Variants in PVT1 observed in about 807,000 individuals in gnomAD.
The protein encoded by PVT1 is CXCR4/PVT1 fusion.
chr8:128,035,066 T>A (rs1382997894), intron 4 of PVT1, among the ~76,000 whole-genome samples: 2 of 152,148 alleles, frequency 1.3e-5, no homozygotes, highest in African/African-American at 4.8e-5. Context: ...TAGGGGGCAA[T>A]AAAAGCATTT....
At chr8:127,983,980 G>GA (rs1816913697) in intron 3 of PVT1, 1 of 149,386 alleles carries the variant, frequency 6.7e-6, no homozygotes. Context: ...CCGGGTTCAA[G>GA]TGATCCTCCT....
rs1816217704 is a variant in PVT1 at position 127,932,416 on chromosome 8, A to G, written n.782+41418A>G. 7.5e-6 allele frequency: 3 copies of G among 398,522 alleles called. No homozygotes were observed. In the South Asian group the frequency reaches 3.8e-4, roughly 51 times the overall value. 24.7% of individuals were successfully genotyped at this position (398,522 alleles called of 1,614,324 possible). ...CCCAAGGAGGCTCGAACATGGGAGG[A>G]CATGCGAGAACTATTGTCACATGAG... On this transcript the variant is annotated intron_variant and non_coding_transcript_variant, in intron 3 of 10. Transcript: ENST00000651587.
intron 3 of PVT1, among the ~76,000 whole-genome samples, chr8:127,933,406 T>C (rs1816234801): frequency 6.6e-6 from 1 of 152,228 alleles, no homozygotes; most frequent in African/African-American, 2.4e-5. Flanking sequence ...GTGCTTGTTG[T>C]GTGTTGGGCA....
At chr8:127,882,301 C>T (rs926447688) in intron 2 of PVT1, among the ~76,000 whole-genome samples, 10 of 152,096 alleles carry the variant, frequency 6.6e-5, no homozygotes, top group Middle Eastern at 3.2e-3. Flanking sequence ...AGCCTGTCAG[C>T]GGGGGGACAG....
chr8:127,948,933 GA>G (rs1303764115), intron 3 of PVT1, among the ~76,000 whole-genome samples: 1 of 152,214 alleles, frequency 6.6e-6, no homozygotes, highest in Non-Finnish European at 1.5e-5. Flanking sequence ...GCTCTAAAAA[GA>G]AGCCTGAGAA....
At chr8:127,929,692 C>T (rs531751960) in intron 3 of PVT1, among the ~76,000 whole-genome samples, 10 of 151,854 alleles carry the variant, frequency 6.6e-5, no homozygotes, top group South Asian at 6.3e-4. Flanking sequence ...GGCGTGAACC[C>T]GGGAGGCGGA....
chr8:127,830,284 G>A (rs1814834941), intron 2 of PVT1, among the ~76,000 whole-genome samples: 1 of 152,164 alleles, frequency 6.6e-6, no homozygotes, highest in East Asian at 1.9e-4. Flanking sequence ...GAAGAAGATA[G>A]GAGCAAGCCT....
chr8:128,025,235 C>G (rs1183744581), intron 4 of PVT1, among the ~76,000 whole-genome samples: 2 of 152,160 alleles, frequency 1.3e-5, no homozygotes, highest in African/African-American at 4.8e-5. Flanking sequence ...AAGCAGGATG[C>G]CTTCCGTCAT....
chr8:127,984,841 C>CTTT (rs147685840), intron 3 of PVT1, among the ~76,000 whole-genome samples: 1 of 16,526 alleles, frequency 6.1e-5, no homozygotes, highest in Non-Finnish European at 1.2e-4. Flanking sequence ...CTTTTCTTTT[C>CTTT]TTTCTTTCTT....
intron 2 of PVT1, among the ~76,000 whole-genome samples, chr8:127,799,727 C>T (rs1814440400): frequency 6.6e-6 from 1 of 152,158 alleles, no homozygotes; most frequent in Non-Finnish European, 1.5e-5. Context: ...TGGCAGAGGA[C>T]CTGGGCTCAT....
chr8:127,946,533 T>C (rs1178489152), intron 3 of PVT1: 1 of 152,272 alleles, frequency 6.6e-6, no homozygotes, highest in Non-Finnish European at 1.5e-5. Context: ...CACGGATGAA[T>C]GATAGCAAGA....
intron 3 of PVT1, among the ~76,000 whole-genome samples, chr8:127,904,705 C>G (rs895900887): frequency 2.0e-5 from 3 of 152,226 alleles, no homozygotes; most frequent in African/African-American, 2.4e-5. Flanking sequence ...CATTATGCTT[C>G]CATTTTACCA....
chr8:128,028,364 C>T (rs1401139072), intron 4 of PVT1, among the ~76,000 whole-genome samples: 4 of 152,210 alleles, frequency 2.6e-5, no homozygotes, highest in Non-Finnish European at 5.9e-5. Flanking sequence ...TGGGGCTGTT[C>T]CCACAGCCCA....
intron 2 of PVT1, among the ~76,000 whole-genome samples, chr8:127,808,616 A>G (rs963071161): frequency 6.6e-6 from 1 of 152,272 alleles, no homozygotes; most frequent in African/African-American, 2.4e-5. Context: ...TGGTGGATCA[A>G]CGGAAGCAGG....
In PVT1 at chr8:127,954,295, C is replaced by CTTTTT. The variant is rs11387135; in HGVS notation, n.783-34851_783-34847dup. On this transcript the variant is annotated intron_variant and non_coding_transcript_variant, in intron 3 of 10. Transcript: ENST00000651587. ...GTGACTGAGACTCAACAAGTACCCA[C>CTTTTT]TTTTTTTTTTTTTTTTTTTTGAGAC... 6.0e-5 allele frequency among the ~76,000 whole-genome samples: 7 copies of CTTTTT among 115,986 alleles called. 1 individual carries two copies. The highest frequency in any genetic ancestry group is 6.8e-5 in the Non-Finnish European group (4 of 58,920). 76.1% of individuals were successfully genotyped at this position (115,986 alleles called of 152,430 possible). A position where few individuals can be genotyped will look rare whatever the true frequency, so the allele number is the denominator to read the frequency against.
At chr8:128,021,438 C>T (rs551060587) in intron 4 of PVT1, among the ~76,000 whole-genome samples, 322 of 151,984 alleles carry the variant, frequency 2.1e-3, no homozygotes, top group African/African-American at 7.3e-3. Flanking sequence ...GGACCACAGG[C>T]GCCCGCCACC....
At chr8:127,972,191 T>C (rs1316735066) in intron 3 of PVT1, among the ~76,000 whole-genome samples, 1 of 152,232 alleles carries the variant, frequency 6.6e-6, no homozygotes, top group African/African-American at 2.4e-5. Context: ...CAGGGGCTTG[T>C]GTTCACCCCA....
chr8:127,916,329 A>G (rs12334590), intron 3 of PVT1, among the ~76,000 whole-genome samples: 6,329 of 152,280 alleles, frequency 0.042, 430 homozygotes, highest in African/African-American at 0.14. Flanking sequence ...AGCTTCTTGC[A>G]TACTCAGCAG....
chr8:128,034,259 T>C (rs1348356268), intron 4 of PVT1, among the ~76,000 whole-genome samples: 1 of 152,176 alleles, frequency 6.6e-6, no homozygotes, highest in Non-Finnish European at 1.5e-5. Flanking sequence ...GTATTTATTT[T>C]TCCCAGTGAA....
Sources: allele counts gnomAD v4.1 joint callset (sites outside exome capture counted in the v4.1 genomes callset), GRCh38; gene constraint gnomAD v4.1.1; transcripts MANE v1.5; gene names NCBI Gene and HGNC (gene_info 2026-07-23, HGNC 2026-07-21).